The following DZIP3 variants were observed in gnomAD, a reference collection of about 807,000 sequenced individuals.
The protein encoded by DZIP3 is DAZ interacting zinc finger protein 3.
In DZIP3, 118 loss-of-function variants were observed where a neutral mutation model predicts 162.0. That is an observed-to-expected ratio of 0.73 (90% CI 0.63 to 0.85). DZIP3 has a LOEUF of 0.85. Among genes scored for constraint, DZIP3 ranks in the 40% least tolerant of loss-of-function variants. The pLI is 0.00. For synonymous variants in DZIP3, 438 were observed against 458.6 expected (o/e 0.96, Z 0.57); for missense variants, 1,331 against 1,407.0 (o/e 0.95, Z 0.86).
At chr3:108,650,450 GAGA>G in intron 17 of DZIP3, among the ~76,000 whole-genome samples, 1 of 151,738 alleles carries the variant, frequency 6.6e-6, no homozygotes, top group Non-Finnish European at 1.5e-5. Context: ...TGTATCTGTA[GAGA>G]AGGAGACCCT....
At chr3:108,607,305 A>C (rs1394868693) in intron 2 of DZIP3, among the ~76,000 whole-genome samples, 1 of 152,194 alleles carries the variant, frequency 6.6e-6, no homozygotes, top group Non-Finnish European at 1.5e-5. Flanking sequence ...TGTCTGTCAA[A>C]TGAATGCATA....
In DZIP3 at chr3:108,605,353, A is replaced by G; in HGVS notation, c.-54A>G. 1 of 1,611,526 alleles carries G rather than the reference A, an allele frequency of 6.2e-7. No homozygotes were observed. The highest frequency in any genetic ancestry group is 1.1e-5 in the South Asian group (1 of 90,890). The stretch of plus-strand genomic sequence containing the variant: ...CTTACAGCATTAAAGGGCAGTATTT[A>G]AAGTCAGTTGGCAAGCAGTGGAATA... On this transcript the variant is annotated 5_prime_UTR_variant, in exon 2 of 33. Coordinates refer to ENST00000361582, the MANE Select transcript of DZIP3 (RefSeq NM_014648.4).
At chr3:108,655,116 T>C (rs1467345983) in intron 19 of DZIP3, among the ~76,000 whole-genome samples, 1 of 152,220 alleles carries the variant, frequency 6.6e-6, no homozygotes, top group African/African-American at 2.4e-5. Flanking sequence ...TCTCTGGTTT[T>C]CATTCTATAG....
chr3:108,641,022 T>C (rs1942378188), intron 12 of DZIP3, among the ~76,000 whole-genome samples: 1 of 152,092 alleles, frequency 6.6e-6, no homozygotes, highest in African/African-American at 2.4e-5. Context: ...CCTTGTTGTT[T>C]TTAGTTTTCC....
Position 108,648,930 on chromosome 3 carries a change from C to A in DZIP3, c.1975C>A (p.Gln659Lys). ...LKDLQEVKSK[Q>K]RKKKKTKNKK... ...TTTTACCTACTAGGTTAAGAGTAAA[C>A]AAAGGAAAAAGAAGAAGACTAAGAA... is the stretch of plus-strand genomic sequence containing the variant. Residue 659 changes from glutamine to lysine, a missense_variant, in exon 17 of 33, where the codon CAA becomes AAA. Physicochemically the swap from Gln to Lys is moderately conservative, Grantham distance 53. This residue lies in a region of DZIP3 where 1,278 missense variants were observed against 1,317.1 expected (regional missense o/e 0.97). Transcript: ENST00000361582. 2 of 1,165,742 alleles carry A rather than the reference C, an allele frequency of 1.7e-6. No homozygotes were observed. Among genetic ancestry groups the A allele is most frequent in the Non-Finnish European group, 2.3e-6 (2 of 881,456 alleles). 72.2% of individuals were successfully genotyped at this position (1,165,742 alleles called of 1,614,324 possible).
At chr3:108,608,273 C>T in intron 3 of DZIP3, 115 bp downstream of exon 3, 1 of 718,550 alleles carries the variant, frequency 1.4e-6, no homozygotes, top group Non-Finnish European at 2.3e-6. Context: ...TTGAGTGAGC[C>T]TACTTTCCTA....
At chr3:108,687,950 C>T in intron 28 of DZIP3, 26 bp from the exon 29 acceptor site, 1 of 1,612,872 alleles carries the variant, frequency 6.2e-7, no homozygotes, top group African/African-American at 1.3e-5. Flanking sequence ...TCATTACTGC[C>T]CTTTCCTTTC....
intron 1 of DZIP3, among the ~76,000 whole-genome samples, chr3:108,599,708 A>G (rs1418112165): frequency 6.6e-6 from 1 of 152,064 alleles, no homozygotes; most frequent in Non-Finnish European, 1.5e-5. Context: ...TGGGAGATAA[A>G]TTAGGTCATG....
rs1940730235 is a variant in DZIP3 at position 108,611,960 on chromosome 3, T to C, written c.258+631T>C. On this transcript the variant is annotated intron_variant, in intron 4 of 32. Coordinates refer to ENST00000361582, the MANE Select transcript of DZIP3 (RefSeq NM_014648.4). ...GCCTGGGAGACAGAGCAACACTCTG[T>C]CTCAAAAAAAAAAAAAGTTGACACA... Among the ~76,000 whole-genome samples, 3 of 89,114 alleles carry C rather than the reference T, an allele frequency of 3.4e-5. No homozygotes were observed. In the South Asian group the frequency reaches 1.3e-3, roughly 38 times the overall value. 58.5% of individuals were successfully genotyped at this position (89,114 alleles called of 152,430 possible). A position where few individuals can be genotyped will look rare whatever the true frequency, so the allele number is the denominator to read the frequency against.
rs767368068 is a variant in DZIP3 at position 108,644,401 on chromosome 3, C to T, written c.1379C>T (p.Pro460Leu). The T allele has an allele frequency of 6.8e-6, 11 of 1,613,916 alleles. No individual in the cohort carries two copies. Among genetic ancestry groups the T allele is most frequent in the Admixed American group, 6.7e-5 (4 of 59,994 alleles). ...HLLYPPNKEL[P>L]QSKQFDLCLL... Reference sequence around the variant, plus strand: ...CTTTATCCTCCTAACAAGGAGTTACCGCAATCCAAACAGTTTGACTTATGC... The same window carrying T: ...CTTTATCCTCCTAACAAGGAGTTACTGCAATCCAAACAGTTTGACTTATGC... The change falls in exon 14 of 33, where the codon CCG becomes CTG. Residue 460 changes from proline (P) to leucine (L), a missense_variant. This residue lies in a region of DZIP3 where 1,278 missense variants were observed against 1,317.1 expected (regional missense o/e 0.97). Transcript: ENST00000361582.
chr3:108,597,006 A>T (rs2107439199), intron 1 of DZIP3, among the ~76,000 whole-genome samples: 1 of 152,296 alleles, frequency 6.6e-6, no homozygotes, highest in Admixed American at 6.5e-5. Flanking sequence ...AATAATTCAA[A>T]TGCTAATATT....
At chr3:108,600,724 C>T (rs1022775697) in intron 1 of DZIP3, among the ~76,000 whole-genome samples, 1 of 152,110 alleles carries the variant, frequency 6.6e-6, no homozygotes, top group Non-Finnish European at 1.5e-5. Context: ...ATAGTGCTTA[C>T]TACGTGCCAG....
intron 5 of DZIP3, among the ~76,000 whole-genome samples, chr3:108,618,631 C>T (rs1172762690): frequency 6.6e-6 from 1 of 152,116 alleles, no homozygotes; most frequent in African/African-American, 2.4e-5. Context: ...CTTAGTCCAT[C>T]AAGAACAAAC....
At chr3:108,690,158 T>C (rs927983702) in intron 31 of DZIP3, among the ~76,000 whole-genome samples, 1 of 152,210 alleles carries the variant, frequency 6.6e-6, no homozygotes, top group Non-Finnish European at 1.5e-5. Flanking sequence ...ATTCAGGTCA[T>C]TTTTTATGAC....
chr3:108,675,640 T>C, intron 24 of DZIP3, 146 bp from the exon 25 acceptor site: 2 of 554,092 alleles, frequency 3.6e-6, no homozygotes, highest in African/African-American at 2.0e-5. Flanking sequence ...TCCATACCTC[T>C]TTATGTCCAT....
intron 24 of DZIP3, among the ~76,000 whole-genome samples, chr3:108,675,423 C>T (rs974998758): frequency 6.6e-6 from 1 of 151,954 alleles, no homozygotes; most frequent in African/African-American, 2.4e-5. Context: ...TTGCTTCCAA[C>T]ATGGGTCAAC....
chr3:108,687,195 T>C (rs1944530383), intron 28 of DZIP3, among the ~76,000 whole-genome samples: 1 of 152,046 alleles, frequency 6.6e-6, no homozygotes, highest in Non-Finnish European at 1.5e-5. Context: ...TTAATATATA[T>C]ACTGGCACAC....
At chr3:108,679,734 T>C (rs2107388558) in intron 26 of DZIP3, among the ~76,000 whole-genome samples, 1 of 152,126 alleles carries the variant, frequency 6.6e-6, no homozygotes, top group East Asian at 1.9e-4. Flanking sequence ...TTCTGGACTT[T>C]TGATTTCCCA....
rs1191245167 is a variant in DZIP3, at chr3:108,648,950, T to G, written c.1995T>G (p.Thr665=). The change falls in exon 17 of 33, where the codon ACT becomes ACG. Residue 665 remains threonine (T), a synonymous_variant. Coordinates refer to ENST00000361582, the MANE Select transcript of DZIP3 (RefSeq NM_014648.4). The part of the protein sequence containing the change: ...VKSKQRKKKK[T]KNKKNKDSKE... The stretch of plus-strand genomic sequence containing the variant: ...GTAAACAAAGGAAAAAGAAGAAGAC[T>G]AAGAATAAAAAGGTAAGAGACTATA... 1 of 1,164,372 alleles carries G rather than the reference T, an allele frequency of 8.6e-7. No homozygotes were observed. The highest frequency in any genetic ancestry group is 3.1e-5 in the Admixed American group (1 of 32,384). The allele number at this position is 1,164,372 out of a possible 1,614,324, so 72.1% of individuals were successfully genotyped here. A position where few individuals can be genotyped will look rare whatever the true frequency, so the allele number is the denominator to read the frequency against.
Sources: gnomAD v4.1 joint callset for allele counts (sites outside exome capture counted in the v4.1 genomes callset) on GRCh38, gnomAD v4.1.1 for gene constraint, gnomAD v4.1.1 regional missense constraint, MANE v1.5 for transcripts, NCBI Gene and HGNC (gene_info 2026-07-23, HGNC 2026-07-21) for gene names.